MED15: variants seen among roughly 807,000 people sequenced by gnomAD.
MED15 encodes mediator of RNA polymerase II transcription subunit 15.
In MED15, 41 loss-of-function variants were observed where a neutral mutation model predicts 118.7. That is an observed-to-expected ratio of 0.35 (90% CI 0.27 to 0.45). MED15 has a LOEUF of 0.45. MED15 is among the 20% of genes least tolerant of loss of function. The pLI is 1.00. For missense variants in MED15, 740 were observed against 1,025.5 expected (o/e 0.72, Z 3.80); for synonymous variants, 436 against 413.9 (o/e 1.05, Z -0.65).
chr22:20,575,317 T>A, intron 9 of MED15, 85 bp downstream of exon 9: 1 of 1,494,590 alleles, frequency 6.7e-7, no homozygotes, highest in Non-Finnish European at 8.9e-7. Context: ...GTCATTATCA[T>A]CGCCGGTGAC....
chr22:20,540,628 G>GCT (rs1413028309), intron 2 of MED15, among the ~76,000 whole-genome samples: 1 of 152,010 alleles, frequency 6.6e-6, no homozygotes, highest in Non-Finnish European at 1.5e-5. Flanking sequence ...AAATTTACAA[G>GCT]CTAAAACTAT....
intron 8 of MED15, among the ~76,000 whole-genome samples, chr22:20,571,961 A>G (rs1437064707): frequency 1.3e-5 from 2 of 152,180 alleles, no homozygotes; most frequent in Admixed American, 6.5e-5. Context: ...TTCCACATCA[A>G]TAGGGGATGA....
chr22:20,533,556 C>T (rs1414762010), intron 1 of MED15, among the ~76,000 whole-genome samples: 3 of 152,186 alleles, frequency 2.0e-5, no homozygotes, highest in Admixed American at 6.5e-5. Flanking sequence ...CTGTTCTGAG[C>T]GGTAGCCTTG....
chr22:20,565,022 G>A (rs1036531042), intron 6 of MED15, among the ~76,000 whole-genome samples: 6 of 152,260 alleles, frequency 3.9e-5, no homozygotes, highest in Non-Finnish European at 8.8e-5. Context: ...CTATTTGAGA[G>A]GCTGAGGCAG....
At chr22:20,539,993 T>C (rs2055231832) in intron 2 of MED15, among the ~76,000 whole-genome samples, 1 of 152,204 alleles carries the variant, frequency 6.6e-6, no homozygotes, top group Non-Finnish European at 1.5e-5. Flanking sequence ...ATATATAATT[T>C]GCAAATATAT....
At chr22:20,520,448 C>T (rs544770530) in intron 1 of MED15, among the ~76,000 whole-genome samples, 1 of 152,212 alleles carries the variant, frequency 6.6e-6, no homozygotes, top group African/African-American at 2.4e-5. Context: ...TGCTTTGATT[C>T]GTGTGAGGGA....
chr22:20,586,148 G>A (rs553215745), intron 17 of MED15, among the ~76,000 whole-genome samples: 232 of 152,294 alleles, frequency 1.5e-3, no homozygotes, highest in African/African-American at 5.3e-3. Flanking sequence ...CTTCCCAGAG[G>A]CCACTAGCTT....
chr22:20,546,873 C>T (rs530438231), intron 2 of MED15, among the ~76,000 whole-genome samples: 1 of 152,172 alleles, frequency 6.6e-6, no homozygotes, highest in East Asian at 1.9e-4. Context: ...GGACTTCTGC[C>T]GGTAAAGTGG....
rs550853699 is a variant in MED15 at position 20,585,385 on chromosome 22, G to A, written c.2131+118G>A. On this transcript the variant is annotated intron_variant, in intron 16 of 17. Coordinates refer to ENST00000263205, the MANE Select transcript of MED15 (RefSeq NM_001003891.3). Reference sequence around the variant, plus strand: ...AGAACCCACCCTGTGTTCACGCCCCGCCAGGCTGTCTGCTCTATCCTCACA... The same window carrying A: ...AGAACCCACCCTGTGTTCACGCCCCACCAGGCTGTCTGCTCTATCCTCACA... The A allele has an allele frequency of 2.4e-4, 327 of 1,345,584 alleles. 1 individual carries two copies. Among genetic ancestry groups the A allele is most frequent in the Non-Finnish European group, 3.1e-4 (307 of 977,508 alleles). 83.4% of individuals were successfully genotyped at this position (1,345,584 alleles called of 1,614,324 possible). A position where few individuals can be genotyped will look rare whatever the true frequency, so the allele number is the denominator to read the frequency against.
chr22:20,585,738 C>T lies in MED15; in HGVS notation c.2142C>T (p.Asp714=). ...CCTTCTGTGTTGCAGATGACAAGGA[C>T]CTCCCAAGTGTGCCACCACTGGAGC... ...VHLICKLDDK[D]LPSVPPLELS... Residue 714 remains aspartate, a synonymous_variant, in exon 17 of 18, where the codon GAC becomes GAT. Coordinates refer to ENST00000263205, the MANE Select transcript of MED15 (RefSeq NM_001003891.3). The T allele has an allele frequency of 6.2e-7, 1 of 1,613,252 alleles. No individual in the cohort carries two copies. Among genetic ancestry groups the T allele is most frequent in the Non-Finnish European group, 8.5e-7 (1 of 1,179,966 alleles).
At chr22:20,569,785 C>T (rs991974841) in intron 8 of MED15, among the ~76,000 whole-genome samples, 2 of 152,188 alleles carry the variant, frequency 1.3e-5, no homozygotes, top group African/African-American at 2.4e-5. Flanking sequence ...CATTTACTTA[C>T]AGCTGGGGGA....
intron 1 of MED15, among the ~76,000 whole-genome samples, chr22:20,508,921 GTCA>G (rs2053969329): frequency 6.6e-6 from 1 of 152,190 alleles, no homozygotes; most frequent in African/African-American, 2.4e-5. Context: ...TAAAGGAACC[GTCA>G]CAGCGCAGTC....
chr22:20,530,183 C>T (rs2054803402), intron 1 of MED15, among the ~76,000 whole-genome samples: 3 of 152,106 alleles, frequency 2.0e-5, no homozygotes, highest in African/African-American at 7.2e-5. Context: ...TAAAGGGTCC[C>T]ACATACAAGC....
rs1253935552 is a variant in MED15, at chr22:20,566,600, T to C, written c.824T>C (p.Met275Thr). The change falls in exon 7 of 18, where the codon ATG becomes ACG. Residue 275 changes from methionine to threonine, a missense_variant. Coordinates refer to ENST00000263205, the MANE Select transcript of MED15 (RefSeq NM_001003891.3). Reference sequence around the variant, plus strand: ...CAGCCACCAATTCAGCAGCCACCGATGCAGCAGCCACAGCCTCCGCCCTCC... The same window carrying C: ...CAGCCACCAATTCAGCAGCCACCGACGCAGCAGCCACAGCCTCCGCCCTCC... ...QAQPPIQQPP[M>T]QQPQPPPSQA... The C allele has an allele frequency of 1.2e-6, 2 of 1,613,868 alleles. No individual in the cohort carries two copies. The highest frequency in any genetic ancestry group is 8.5e-7 in the Non-Finnish European group (1 of 1,179,876).
intron 1 of MED15, among the ~76,000 whole-genome samples, chr22:20,508,915 G>T (rs990140635): frequency 2.0e-5 from 3 of 152,308 alleles, no homozygotes; most frequent in South Asian, 2.1e-4. Flanking sequence ...GGATGGTAAA[G>T]GAACCGTCAC....
intron 1 of MED15, among the ~76,000 whole-genome samples, chr22:20,530,197 G>A (rs1195378948): frequency 1.3e-5 from 2 of 152,112 alleles, no homozygotes; most frequent in African/African-American, 4.8e-5. Flanking sequence ...TACAAGCTGT[G>A]GGCTCCTGTC....
At chr22:20,574,299 C>T (rs1569240864) in intron 8 of MED15, 1 of 152,464 alleles carries the variant, frequency 6.6e-6, no homozygotes, top group East Asian at 1.9e-4. Context: ...CTACCCCCAA[C>T]TCAGAACCCA....
At chr22:20,576,695 G>T (rs1475799315) in intron 9 of MED15, among the ~76,000 whole-genome samples, 1 of 98,176 alleles carries the variant, frequency 1.0e-5, no homozygotes, top group East Asian at 2.6e-4. Context: ...GGAAGTTGGG[G>T]GTCAGGAATT....
intron 1 of MED15, among the ~76,000 whole-genome samples, chr22:20,512,798 A>G (rs1303540780): frequency 3.0e-4 from 45 of 148,176 alleles, no homozygotes; most frequent in Admixed American, 2.8e-3. Flanking sequence ...TCTGGAGTGC[A>G]ATGGTGTGAT....
Sources: gnomAD v4.1 joint callset for allele counts (sites outside exome capture counted in the v4.1 genomes callset) on GRCh38, gnomAD v4.1.1 for gene constraint, MANE v1.5 for transcripts, NCBI Gene and HGNC (gene_info 2026-07-23, HGNC 2026-07-21) for gene names.